AARS2: variants seen among roughly 807,000 people sequenced by gnomAD.
The protein encoded by AARS2 is alanine--tRNA ligase, mitochondrial.
A neutral mutation model predicts 119.7 loss-of-function variants in AARS2; 78 were observed. The observed-to-expected ratio is 0.65, with a 90% confidence interval of 0.54 to 0.79. The LOEUF is 0.79. Among genes scored for constraint, AARS2 ranks in the 30% least tolerant of loss-of-function variants. The pLI is 0.00. For missense variants in AARS2, 1,157 were observed against 1,291.3 expected, an observed-to-expected ratio of 0.90 and a Z score of 1.59; for synonymous variants, 502 against 526.3, an observed-to-expected ratio of 0.95 and a Z score of 0.63.
In AARS2 at chr6:44,306,305, G is replaced by A. The variant is rs758582010; in HGVS notation, c.1275C>T (p.Thr425=). The A allele has an allele frequency of 1.2e-6, 2 of 1,614,108 alleles. No homozygotes were observed. Among genetic ancestry groups the A allele is most frequent in the African/African-American group, 1.3e-5 (1 of 75,014 alleles). ...CAGGGAACATATCTGAAGGCCCCAG[G>A]GTCCTCAGAGTCCGATCAATGATCC... The part of the protein sequence containing the change: ...GRRIIDRTLR[T]LGPSDMFPAE... The change falls in exon 9 of 22, where the codon ACC becomes ACT. Residue 425 remains threonine (T), a synonymous_variant. Transcript: ENST00000244571.
intron 14 of AARS2, 115 bp from the exon 15 acceptor site, chr6:44,303,538 G>A: frequency 6.7e-7 from 1 of 1,497,978 alleles, no homozygotes; most frequent in Non-Finnish European, 9.3e-7. Context: ...CTAGAATAGT[G>A]GCTAGCACAT....
In AARS2 at chr6:44,313,181, T is replaced by C. The variant is rs1786525343; in HGVS notation, c.143A>G (p.Asn48Ser). The change falls in exon 1 of 22, where the codon AAC becomes AGC. Residue 48 changes from asparagine (N) to serine (S), a missense_variant. By Grantham distance (46) the Asn-to-Ser change is conservative (BLOSUM62 1). Transcript: ENST00000244571. ...GTGGCCATGGCGGTCCCGAAAGAAGTTCAGAAAGGCGGCCCTCACGGCCGA... is the reference window on the plus strand; with the variant it reads ...GTGGCCATGGCGGTCCCGAAAGAAGCTCAGAAAGGCGGCCCTCACGGCCGA... ...KASAVRAAFL[N>S]FFRDRHGHRL... The C allele has an allele frequency of 6.2e-7, 1 of 1,612,716 alleles. No individual in the cohort carries two copies. The highest frequency in any genetic ancestry group is 8.5e-7 in the Non-Finnish European group (1 of 1,179,676).
At position 44,313,316 on chromosome 6, in the gene AARS2, G is replaced by A. The variant is rs377066824; in HGVS notation, c.8C>T (p.Ala3Val). 38 of 1,601,530 alleles carry A rather than the reference G, an allele frequency of 2.4e-5. No individual in the cohort carries two copies. Among genetic ancestry groups the A allele is most frequent in the Non-Finnish European group, 3.1e-5 (36 of 1,178,790 alleles). The change falls in exon 1 of 22, where the codon GCG becomes GTG. Residue 3 changes from alanine to valine, a missense_variant. By Grantham distance (64) the Ala-to-Val change is moderately conservative. Coordinates refer to ENST00000244571, the MANE Select transcript of AARS2 (RefSeq NM_020745.4). The part of the protein sequence containing the change: MA[A>V]SVAAAARRLR... Reference sequence around the variant, plus strand: ...CCTCCGGGCTGCAGCTGCCACTGACGCTGCCATCGTAGCTCCGGGCAGTGA... The same window carrying A: ...CCTCCGGGCTGCAGCTGCCACTGACACTGCCATCGTAGCTCCGGGCAGTGA...
At chr6:44,303,485 T>C (rs1785543027) in intron 14 of AARS2, 62 bp from the exon 15 acceptor site, 1 of 1,611,952 alleles carries the variant, frequency 6.2e-7, no homozygotes, top group Non-Finnish European at 8.5e-7. Context: ...CTCTAACTGA[T>C]GCATTGAAAC....
Position 44,298,837 on chromosome 6 carries a change from C to T in AARS2, c.*1710G>A, listed in dbSNP as rs1056093. ...TCATCTAGCAACAGAGATCTAGGAA[C>T]AAAGGCAGAGGTCCAAAGTCTGGCT... is the stretch of plus-strand genomic sequence containing the variant. On this transcript the variant is annotated 3_prime_UTR_variant, in exon 22 of 22. Coordinates refer to ENST00000244571, the MANE Select transcript of AARS2 (RefSeq NM_020745.4). Among the ~76,000 whole-genome samples, 2 of 152,164 alleles carry T rather than the reference C, an allele frequency of 1.3e-5. No individual in the cohort carries two copies. Among genetic ancestry groups the T allele is most frequent in the Non-Finnish European group, 2.9e-5 (2 of 68,018 alleles).
intron 7 of AARS2, 150 bp downstream of exon 7, chr6:44,306,773 C>G (rs922804047): frequency 1.2e-5 from 10 of 866,580 alleles, no homozygotes; most frequent in African/African-American, 1.7e-5. Context: ...TAAGCAAGGA[C>G]AGCTTTCTTA....
rs1158093334 is a variant in AARS2 at position 44,301,449 on chromosome 6, G to C, written c.2614C>G (p.Gln872Glu). The change falls in exon 20 of 22, where the codon CAG becomes GAG. Residue 872 changes from glutamine to glutamate, a missense_variant. Gln to Glu is a conservative substitution (Grantham distance 29). Coordinates refer to ENST00000244571, the MANE Select transcript of AARS2 (RefSeq NM_020745.4). ...TTCGAGTGCCGCTCCAGCAGCTCCT[G>C]AGTTTTCTTTGCAGCCTATGGGGCA... ...LQMGQAAKKT[Q>E]ELLERHSKGP... 8.1e-6 allele frequency: 13 copies of C among 1,613,662 alleles called. No homozygotes were observed. The highest frequency in any genetic ancestry group is 1.1e-5 in the Non-Finnish European group (13 of 1,179,994).
chr6:44,310,237 C>A (rs921626612), intron 5 of AARS2, 62 bp downstream of exon 5: 1 of 1,536,160 alleles, frequency 6.5e-7, no homozygotes, highest in East Asian at 2.4e-5. Context: ...AGATGGAATG[C>A]AATGGGGCTG....
rs2153354539 is a variant in AARS2, at chr6:44,304,765, T to C, written c.1632A>G (p.Thr544=). Residue 544 remains threonine, a synonymous_variant, in exon 12 of 22, where the codon ACA becomes ACG. Coordinates refer to ENST00000244571, the MANE Select transcript of AARS2 (RefSeq NM_020745.4). ...QVLQLYTEDG[T]AVASVGKGQR... is the part of the protein sequence containing the mutation. Reference sequence around the variant, plus strand: ...GGCCTTTCCCCACGGAGGCCACTGCTGTCCCGTCCTCTGTATACAGTTGCA... The same window carrying C: ...GGCCTTTCCCCACGGAGGCCACTGCCGTCCCGTCCTCTGTATACAGTTGCA... 2 of 1,614,244 alleles carry C rather than the reference T, an allele frequency of 1.2e-6. No individual in the cohort carries two copies. Among genetic ancestry groups the C allele is most frequent in the Non-Finnish European group, 1.7e-6 (2 of 1,180,036 alleles).
At position 44,299,503 on chromosome 6, in the gene AARS2, G is replaced by A. The variant is rs1456091840; in HGVS notation, c.*1044C>T. On this transcript the variant is annotated 3_prime_UTR_variant, in exon 22 of 22. Transcript: ENST00000244571. The stretch of plus-strand genomic sequence containing the variant: ...TGGTCTTGCACTTCTGGCCTCAAGC[G>A]ATTCTCCAACCTCAGCCTCCTAAAA... Among the ~76,000 whole-genome samples, 2 of 151,432 alleles carry A rather than the reference G, an allele frequency of 1.3e-5. No homozygotes were observed. The highest frequency in any genetic ancestry group is 2.9e-5 in the Non-Finnish European group (2 of 67,908).
Position 44,301,210 on chromosome 6 carries a change from G to C in AARS2, c.2739C>G (p.Leu913=). ...TCCCCATGGGCTGGGGGCTGAGTAG[G>C]AGCACAGACGTGCTGGGGGCCTGCT... ...LCEQAPSTSV[L]LLSPQPMGKV... The change falls in exon 21 of 22, where the codon CTC becomes CTG. Residue 913 remains leucine (L), a synonymous_variant. Coordinates refer to ENST00000244571, the MANE Select transcript of AARS2 (RefSeq NM_020745.4). 6.2e-7 allele frequency: 1 copy of C among 1,613,708 alleles called. No individual in the cohort carries two copies. The highest frequency in any genetic ancestry group is 8.5e-7 in the Non-Finnish European group (1 of 1,179,998).
chr6:44,305,672 A>G lies in AARS2; in HGVS notation c.1415T>C (p.Leu472Ser). The change falls in exon 10 of 22, where the codon TTG (leucine) becomes TCG (serine). Residue 472 changes from leucine to serine, a missense_variant. Leu to Ser is a moderately radical substitution (Grantham distance 145, BLOSUM62 -2). Transcript: ENST00000244571. This position sits in a 1 kb window ranked among gnomAD's most constrained non-coding sequence, Gnocchi z 4.6. Reference sequence around the variant, plus strand: ...TTGTACCTGGGCCTCCTCTTGGGCCAACCGCTCCAGTCCAGCGGAGTCTAG... The same window carrying G: ...TTGTACCTGGGCCTCCTCTTGGGCCGACCGCTCCAGTCCAGCGGAGTCTAG... ...VQLDSAGLERLAQEEAQHRAR... is the reference protein window; with the variant it reads ...VQLDSAGLERSAQEEAQHRAR... 6.2e-7 allele frequency: 1 copy of G among 1,614,144 alleles called. No homozygotes were observed.
At chr6:44,309,209 G>A (rs1197069062) in intron 5 of AARS2, among the ~76,000 whole-genome samples, 2 of 152,188 alleles carry the variant, frequency 1.3e-5, no homozygotes, top group Admixed American at 1.3e-4. Context: ...ATGTGGACAA[G>A]CCCAGACTAG....
At chr6:44,311,624 C>G in intron 2 of AARS2, 89 bp from the exon 3 acceptor site, 1 of 1,461,438 alleles carries the variant, frequency 6.8e-7, no homozygotes, top group Admixed American at 1.8e-5. Context: ...GTTTAGCTCC[C>G]GACTTAAGAC....
intron 2 of AARS2, 146 bp from the exon 3 acceptor site, chr6:44,311,681 A>G: frequency 2.9e-6 from 3 of 1,029,404 alleles, no homozygotes; most frequent in Admixed American, 2.1e-5. Context: ...GCCATGAACC[A>G]TTACTGCCTC....
chr6:44,312,962 G>A, intron 1 of AARS2, 119 bp downstream of exon 1: 1 of 1,475,534 alleles, frequency 6.8e-7, no homozygotes, highest in Non-Finnish European at 9.2e-7. Context: ...ACCAAGCACC[G>A]CCCTCTTTCC....
At position 44,303,270 on chromosome 6, in the gene AARS2, G is replaced by A; in HGVS notation, c.2145+16C>T. The stretch of plus-strand genomic sequence containing the variant: ...GGAGGCCCCCGATCTCCAGCAAAAG[G>A]GCTTCCCCAACTCACCTCATCCAGA... On this transcript the variant is annotated intron_variant, in intron 15 of 21. Coordinates refer to ENST00000244571, the MANE Select transcript of AARS2 (RefSeq NM_020745.4). 6.2e-7 allele frequency: 1 copy of A among 1,614,110 alleles called. No individual in the cohort carries two copies. The highest frequency in any genetic ancestry group is 8.5e-7 in the Non-Finnish European group (1 of 1,180,020).
chr6:44,302,012 C>A (rs191792373), intron 19 of AARS2, 48 bp downstream of exon 19: 66 of 1,589,238 alleles, frequency 4.2e-5, no homozygotes, highest in Admixed American at 6.8e-5. Flanking sequence ...CTCAGTGTAT[C>A]TGCTGGAGTG....
intron 14 of AARS2, among the ~76,000 whole-genome samples, chr6:44,303,711 A>G (rs1785569108): frequency 6.6e-6 from 1 of 152,246 alleles, no homozygotes; most frequent in Non-Finnish European, 1.5e-5. Flanking sequence ...GGGGTAGCCC[A>G]ATGGAAGAGA....
Sources: allele counts gnomAD v4.1 joint callset (sites outside exome capture counted in the v4.1 genomes callset), GRCh38; gene constraint gnomAD v4.1.1; non-coding constraint Gnocchi (gnomAD v3.1); transcripts MANE v1.5; gene names NCBI Gene and HGNC (gene_info 2026-07-23, HGNC 2026-07-21).